AIG1: variants seen among roughly 807,000 people sequenced by gnomAD.
AIG1 encodes the protein androgen induced 1.
In AIG1, 23 loss-of-function variants were observed where a neutral mutation model predicts 31.4. The observed-to-expected ratio is 0.73, with a 90% CI of 0.53 to 1.04. AIG1 has a LOEUF of 1.04. Among genes scored for constraint, AIG1 ranks in the 50% least tolerant of loss-of-function variants. The pLI is 0.00. For missense variants in AIG1, 274 were observed against 295.0 expected (o/e 0.93, Z 0.52); for synonymous variants, 100 against 110.5 (o/e 0.90, Z 0.60).
At chr6:143,124,593 G>T (rs1300970371) in intron 1 of AIG1, among the ~76,000 whole-genome samples, 2 of 152,168 alleles carry the variant, frequency 1.3e-5, no homozygotes, top group Non-Finnish European at 2.9e-5. Context: ...GTGAGGTCTT[G>T]TATTAGTCTG....
chr6:143,223,523 T>A (rs1017138915), intron 3 of AIG1, among the ~76,000 whole-genome samples: 1 of 152,204 alleles, frequency 6.6e-6, no homozygotes, highest in East Asian at 1.9e-4. Context: ...TGTTGCTTTT[T>A]GAAATGCTGT....
intron 5 of AIG1, chr6:143,337,986 C>T: frequency 2.5e-6 from 1 of 398,692 alleles, no homozygotes; most frequent in Non-Finnish European, 4.4e-6. Flanking sequence ...AGCTGCCAAA[C>T]TAAAGTAGGT....
chr6:143,157,837 C>G (rs899199102), intron 2 of AIG1, among the ~76,000 whole-genome samples: 11 of 152,084 alleles, frequency 7.2e-5, no homozygotes, highest in African/African-American at 2.7e-4. Flanking sequence ...TGGTTTGTAT[C>G]ATTCAGCTGA....
At position 143,097,634 on chromosome 6, in the gene AIG1, T is replaced by G. The variant is rs75687516; in HGVS notation, c.141+36568T>G. Reference sequence around the variant, plus strand: ...GCAGTTTCATCTTCGATTCTCACAGTGCCTCTTTCACCTGTTTTCCTCTAT... The same window carrying G: ...GCAGTTTCATCTTCGATTCTCACAGGGCCTCTTTCACCTGTTTTCCTCTAT... On this transcript the variant is annotated intron_variant, in intron 1 of 5. Coordinates refer to ENST00000357847, the MANE Select transcript of AIG1 (RefSeq NM_016108.4). 3.2e-3 allele frequency among the ~76,000 whole-genome samples: 480 copies of G among 152,306 alleles called. 3 individuals are homozygous for G. The highest frequency in any genetic ancestry group is 0.011 in the African/African-American group (448 of 41,566).
chr6:143,223,581 A>T (rs1250502087), intron 3 of AIG1, among the ~76,000 whole-genome samples: 1 of 152,042 alleles, frequency 6.6e-6, no homozygotes. Context: ...CCCCAGCCCC[A>T]CTTCATGCTT....
chr6:143,195,060 T>C (rs920397583), intron 3 of AIG1, among the ~76,000 whole-genome samples: 1 of 152,226 alleles, frequency 6.6e-6, no homozygotes, highest in African/African-American at 2.4e-5. Flanking sequence ...ATACTGACTG[T>C]GTTCCTCTTG....
At chr6:143,343,768 G>C (rs975675702), downstream of AIG1, among the ~76,000 whole-genome samples, 1 of 152,078 alleles carries the variant, frequency 6.6e-6, no homozygotes. Flanking sequence ...GTACAGGTTT[G>C]TTATATAGGT....
chr6:143,100,062 C>T (rs1780117699), intron 1 of AIG1, among the ~76,000 whole-genome samples: 1 of 152,172 alleles, frequency 6.6e-6, no homozygotes, highest in African/African-American at 2.4e-5. Context: ...AATATATTTA[C>T]CTTTTCTATA....
At chr6:143,091,748 A>G (rs190191283) in intron 1 of AIG1, among the ~76,000 whole-genome samples, 2 of 152,360 alleles carry the variant, frequency 1.3e-5, no homozygotes, top group African/African-American at 4.8e-5. Flanking sequence ...ATATTTTAGT[A>G]TGAGAGTACT....
intron 1 of AIG1, among the ~76,000 whole-genome samples, chr6:143,080,204 A>C (rs1296783373): frequency 6.6e-6 from 1 of 151,446 alleles, no homozygotes; most frequent in East Asian, 1.9e-4. Flanking sequence ...CTTCATGCTG[A>C]ATTGGGGCAT....
intron 4 of AIG1, among the ~76,000 whole-genome samples, chr6:143,321,278 T>C (rs1776188320): frequency 6.6e-6 from 1 of 152,174 alleles, no homozygotes; most frequent in East Asian, 1.9e-4. Flanking sequence ...GTATACCTTC[T>C]TGTATATAAA....
intron 3 of AIG1, among the ~76,000 whole-genome samples, chr6:143,224,277 C>G (rs187471921): frequency 6.6e-6 from 1 of 152,316 alleles, no homozygotes; most frequent in East Asian, 1.9e-4. Flanking sequence ...CCTCCCTTTC[C>G]TCTTCCCAAC....
chr6:143,273,214 A>C (rs1446698595), intron 3 of AIG1, among the ~76,000 whole-genome samples: 5 of 152,224 alleles, frequency 3.3e-5, no homozygotes, highest in Admixed American at 3.3e-4. Context: ...ACATTGCAGG[A>C]TGCTGATATC....
chr6:143,287,066 C>G (rs1273132569), intron 4 of AIG1, among the ~76,000 whole-genome samples: 1 of 151,976 alleles, frequency 6.6e-6, no homozygotes, highest in Non-Finnish European at 1.5e-5. Flanking sequence ...CCAGCCCAAA[C>G]ATCACCTGTC....
At chr6:143,147,064 C>T (rs1457341909) in intron 2 of AIG1, among the ~76,000 whole-genome samples, 1 of 152,160 alleles carries the variant, frequency 6.6e-6, no homozygotes, top group Non-Finnish European at 1.5e-5. Context: ...GCACATTTTC[C>T]AGAAGTTTCC....
At chr6:143,253,866 G>A (rs1041872336) in intron 3 of AIG1, among the ~76,000 whole-genome samples, 98 of 152,088 alleles carry the variant, frequency 6.4e-4, no homozygotes, top group African/African-American at 2.2e-3. Context: ...TAGTAAAAAC[G>A]CCACCTCCTT....
intron 4 of AIG1, among the ~76,000 whole-genome samples, chr6:143,308,460 A>T (rs1350938088): frequency 1.3e-5 from 2 of 152,206 alleles, no homozygotes; most frequent in Non-Finnish European, 1.5e-5. Flanking sequence ...GTGACTCAAC[A>T]CCTGGGCTTG....
rs149916086 is a variant in AIG1 at position 143,152,352 on chromosome 6, T to C, written c.298-12730T>C. Among the ~76,000 whole-genome samples, 673 of 152,344 alleles carry C rather than the reference T, an allele frequency of 4.4e-3. 8 individuals carry two copies. The highest frequency in any genetic ancestry group is 0.015 in the African/African-American group (633 of 41,576). On this transcript the variant is annotated intron_variant, in intron 2 of 5. Coordinates refer to ENST00000357847, the MANE Select transcript of AIG1 (RefSeq NM_016108.4). The stretch of plus-strand genomic sequence containing the variant: ...GAATATTCATATTAATGTAATTTTA[T>C]CGAATAACTATAGTCCCCTTTTATT...
intron 2 of AIG1, among the ~76,000 whole-genome samples, chr6:143,147,942 C>T (rs1784845953): frequency 6.6e-6 from 1 of 152,174 alleles, no homozygotes; most frequent in African/African-American, 2.4e-5. Context: ...TTAATCTTCA[C>T]ATCCCCAGAA....
Sources: gnomAD v4.1 joint callset for allele counts (sites outside exome capture counted in the v4.1 genomes callset) on GRCh38, gnomAD v4.1.1 for gene constraint, MANE v1.5 for transcripts, NCBI Gene and HGNC (gene_info 2026-07-23, HGNC 2026-07-21) for gene names.